Variants in NPNT observed in about 807,000 individuals in gnomAD.
The protein encoded by NPNT is nephronectin.
In NPNT, 45 loss-of-function variants were observed where a neutral mutation model predicts 68.6. That is an observed-to-expected ratio of 0.66 (90% CI 0.52 to 0.84). The LOEUF is 0.84. Ranked by LOEUF, NPNT falls within the 40% of genes least tolerant of loss-of-function variation. NPNT has a pLI of 0.00. For missense variants in NPNT, 672 were observed against 714.8 expected, an observed-to-expected ratio of 0.94 and a Z score of 0.68; for synonymous variants, 233 against 253.3, an observed-to-expected ratio of 0.92 and a Z score of 0.76.
At chr4:105,924,721 G>A (rs1169045627) in intron 2 of NPNT, among the ~76,000 whole-genome samples, 1 of 152,144 alleles carries the variant, frequency 6.6e-6, no homozygotes, top group Non-Finnish European at 1.5e-5. Flanking sequence ...ATAAATTGAT[G>A]GTTCTCAAGC....
intron 2 of NPNT, among the ~76,000 whole-genome samples, chr4:105,907,058 A>G (rs1332657094): frequency 6.6e-6 from 1 of 152,178 alleles, no homozygotes; most frequent in African/African-American, 2.4e-5. Flanking sequence ...CGGGGAGTCA[A>G]AGTAACCTCA....
intron 8 of NPNT, among the ~76,000 whole-genome samples, chr4:105,953,287 A>C (rs1239810414): frequency 6.6e-6 from 1 of 152,216 alleles, no homozygotes; most frequent in Non-Finnish European, 1.5e-5. Flanking sequence ...CTCATTGTTG[A>C]TTAGCAATGT....
At chr4:105,908,716 C>A (rs1727119601) in intron 2 of NPNT, among the ~76,000 whole-genome samples, 1 of 151,894 alleles carries the variant, frequency 6.6e-6, no homozygotes, top group African/African-American at 2.4e-5. Flanking sequence ...GGCACCCGCC[C>A]ACCACACCAA....
At chr4:105,934,024 T>C (rs1172408350) in intron 3 of NPNT, among the ~76,000 whole-genome samples, 1 of 152,142 alleles carries the variant, frequency 6.6e-6, no homozygotes, top group Non-Finnish European at 1.5e-5. Context: ...ATATATATTA[T>C]AAACCTCCAG....
At position 105,940,165 on chromosome 4, in the gene NPNT, A is replaced by C; in HGVS notation, c.596A>C (p.Lys199Thr). 1 of 1,613,496 alleles carries C rather than the reference A, an allele frequency of 6.2e-7. No homozygotes were observed. The highest frequency in any genetic ancestry group is 8.5e-7 in the Non-Finnish European group (1 of 1,179,472). Reference sequence around the variant, plus strand: ...GGGAGCTACATCTGCAAGTGTCATAAAGGCTTCGATCTCATGTATATTGGA... The same window carrying C: ...GGGAGCTACATCTGCAAGTGTCATACAGGCTTCGATCTCATGTATATTGGA... The part of the protein sequence containing the change: ...TFGSYICKCH[K>T]GFDLMYIGGK... The change falls in exon 6 of 12, where the codon AAA becomes ACA. Residue 199 changes from lysine to threonine, a missense_variant. Lys to Thr is a moderately conservative substitution (Grantham distance 78). Coordinates refer to ENST00000379987, the MANE Select transcript of NPNT (RefSeq NM_001033047.3).
intron 2 of NPNT, among the ~76,000 whole-genome samples, chr4:105,900,671 T>A (rs1054159971): frequency 1.3e-5 from 2 of 152,076 alleles, no homozygotes; most frequent in Non-Finnish European, 2.9e-5. Flanking sequence ...GAAGGAAGGA[T>A]CAGAGATGCT....
intron 2 of NPNT, among the ~76,000 whole-genome samples, chr4:105,914,881 G>C (rs28481804): frequency 0.02 from 3,007 of 152,288 alleles, 103 homozygotes; most frequent in African/African-American, 0.068. Context: ...TCTGATGAGA[G>C]ACGCAGTGGG....
At chr4:105,934,299 T>G (rs1729350543) in intron 3 of NPNT, among the ~76,000 whole-genome samples, 1 of 152,140 alleles carries the variant, frequency 6.6e-6, no homozygotes, top group Admixed American at 6.6e-5. Context: ...TGGCACTAGG[T>G]CAATGAGAAA....
chr4:105,953,158 T>G (rs1730960943), intron 8 of NPNT, among the ~76,000 whole-genome samples: 2 of 152,090 alleles, frequency 1.3e-5, no homozygotes, highest in African/African-American at 4.8e-5. Context: ...ACAGCAAGAC[T>G]CTGTCTCAAA....
intron 10 of NPNT, among the ~76,000 whole-genome samples, chr4:105,963,222 C>T (rs948261029): frequency 6.7e-6 from 1 of 149,700 alleles, no homozygotes; most frequent in South Asian, 2.1e-4. Context: ...AAGACTCCGT[C>T]AAAAAAAAAT....
intron 2 of NPNT, among the ~76,000 whole-genome samples, chr4:105,925,707 A>G (rs1728629904): frequency 6.6e-6 from 1 of 152,122 alleles, no homozygotes; most frequent in Admixed American, 6.5e-5. Flanking sequence ...TCTTCACTCA[A>G]TGATTATTGA....
At chr4:105,913,604 A>G (rs965927512) in intron 2 of NPNT, among the ~76,000 whole-genome samples, 4 of 152,208 alleles carry the variant, frequency 2.6e-5, no homozygotes, top group African/African-American at 9.6e-5. Context: ...TGTTCTCAAT[A>G]TATACAATAC....
intron 2 of NPNT, among the ~76,000 whole-genome samples, chr4:105,906,033 T>C (rs1178133831): frequency 1.3e-5 from 2 of 152,156 alleles, no homozygotes; most frequent in African/African-American, 4.8e-5. Flanking sequence ...CTTCCAGGAA[T>C]TCACACAATT....
intron 8 of NPNT, among the ~76,000 whole-genome samples, chr4:105,952,353 G>A (rs924435238): frequency 7.9e-5 from 12 of 152,118 alleles, no homozygotes; most frequent in Admixed American, 7.2e-4. Context: ...AGAATACTGT[G>A]TTTTATTTAG....
At chr4:105,934,263 A>C (rs1729347733) in intron 3 of NPNT, among the ~76,000 whole-genome samples, 1 of 152,244 alleles carries the variant, frequency 6.6e-6, no homozygotes, top group Non-Finnish European at 1.5e-5. Flanking sequence ...ATTTATAGAA[A>C]GCAGCACATA....
intron 2 of NPNT, among the ~76,000 whole-genome samples, chr4:105,922,663 A>G (rs1423854870): frequency 1.3e-5 from 2 of 152,082 alleles, no homozygotes; most frequent in Non-Finnish European, 2.9e-5. Context: ...AGGCTTGGAC[A>G]TGTGACATTA....
intron 8 of NPNT, among the ~76,000 whole-genome samples, chr4:105,956,930 AAGT>A (rs1277365427): frequency 6.6e-6 from 1 of 152,194 alleles, no homozygotes; most frequent in Admixed American, 6.5e-5. Context: ...AAAAACTCAG[AAGT>A]AGTAAGCTAA....
At chr4:105,902,973 T>A (rs1726540906) in intron 2 of NPNT, among the ~76,000 whole-genome samples, 1 of 152,166 alleles carries the variant, frequency 6.6e-6, no homozygotes, top group Admixed American at 6.5e-5. Context: ...ATTAGAAATT[T>A]TAGTACTTCT....
At chr4:105,922,248 G>A (rs1244225517) in intron 2 of NPNT, among the ~76,000 whole-genome samples, 1 of 151,900 alleles carries the variant, frequency 6.6e-6, no homozygotes, top group Non-Finnish European at 1.5e-5. Context: ...CTCCCAGCAT[G>A]ATTACCTTAC....
Sources: allele counts gnomAD v4.1 joint callset (sites outside exome capture counted in the v4.1 genomes callset), GRCh38; gene constraint gnomAD v4.1.1; transcripts MANE v1.5; gene names NCBI Gene and HGNC (gene_info 2026-07-23, HGNC 2026-07-21).